Variants in BTBD3 observed in about 807,000 individuals in gnomAD.
The protein encoded by BTBD3 is BTB/POZ domain-containing protein 3.
In BTBD3, 14 loss-of-function variants were observed where a neutral mutation model predicts 41.6. The observed-to-expected ratio is 0.34, with a 90% CI of 0.22 to 0.53. The LOEUF (loss-of-function observed/expected upper bound fraction) is 0.53, where lower values mean the gene tolerates loss of function less well. Among genes scored for constraint, BTBD3 ranks in the 20% least tolerant of loss-of-function variants. The pLI, the probability that BTBD3 is intolerant of heterozygous loss-of-function variation, is 0.95. For missense variants in BTBD3, 426 were observed against 654.7 expected, an observed-to-expected ratio of 0.65 and a Z score of 3.81; for synonymous variants, 249 against 233.7, an observed-to-expected ratio of 1.07 and a Z score of -0.60.
chr20:11,904,823 A>C (rs945630333), intron 1 of BTBD3, among the ~76,000 whole-genome samples: 1 of 152,226 alleles, frequency 6.6e-6, no homozygotes, highest in Non-Finnish European at 1.5e-5. Flanking sequence ...AGTTTCTTAA[A>C]GGTTAATTGC....
intron 1 of BTBD3, among the ~76,000 whole-genome samples, chr20:11,891,603 A>G (rs1208626747): frequency 6.6e-6 from 1 of 152,074 alleles, no homozygotes; most frequent in Admixed American, 6.5e-5. Flanking sequence ...TCTGAGTGGC[A>G]TTTGTGGCCC....
rs2056999049 is a variant in BTBD3 at position 11,924,265 on chromosome 20, T to C, written c.*599T>C. On this transcript the variant is annotated 3_prime_UTR_variant, in exon 4 of 4. Coordinates refer to ENST00000378226, the MANE Select transcript of BTBD3 (RefSeq NM_014962.4). Reference sequence around the variant, plus strand: ...GGTATTAAACACTTCAGAATATCAATGTAAAATTGGAAAATAAGGAACTGG... The same window carrying C: ...GGTATTAAACACTTCAGAATATCAACGTAAAATTGGAAAATAAGGAACTGG... 1 of 152,298 alleles carries C rather than the reference T, an allele frequency of 6.6e-6. No individual in the cohort carries two copies. The highest frequency in any genetic ancestry group is 1.5e-5 in the Non-Finnish European group (1 of 68,032). 9.4% of individuals were successfully genotyped at this position (152,298 alleles called of 1,614,324 possible).
chr20:11,904,710 G>A (rs1321355194), intron 1 of BTBD3, among the ~76,000 whole-genome samples: 1 of 152,102 alleles, frequency 6.6e-6, no homozygotes, highest in Non-Finnish European at 1.5e-5. Context: ...AGCATATGAA[G>A]AAAATCTGGC....
intron 1 of BTBD3, 195 bp from the exon 2 acceptor site, chr20:11,918,885 AACTTTT>A: frequency 3.5e-6 from 2 of 573,928 alleles, no homozygotes; most frequent in Non-Finnish European, 6.0e-6. Flanking sequence ...AAGTTTGTAT[AACTTTT>A]ATTTTAAACT....
At chr20:11,905,330 G>A (rs757148803) in intron 1 of BTBD3, among the ~76,000 whole-genome samples, 10 of 150,488 alleles carry the variant, frequency 6.6e-5, no homozygotes, top group Non-Finnish European at 1.2e-4. Flanking sequence ...ACAAATAGTT[G>A]TACACGTGTT....
Position 11,919,734 on chromosome 20 carries a change from G to A in BTBD3, c.434G>A (p.Gly145Glu), listed in dbSNP as rs1412432231. 2 of 1,614,024 alleles carry A rather than the reference G, an allele frequency of 1.2e-6. No homozygotes were observed. The highest frequency in any genetic ancestry group is 2.2e-5 in the South Asian group (2 of 91,060). The change falls in exon 3 of 4, where the codon GGG (glycine) becomes GAG (glutamate). Residue 145 changes from glycine to glutamate, a missense_variant. Coordinates refer to ENST00000378226, the MANE Select transcript of BTBD3 (RefSeq NM_014962.4). ...TCTACACAGTATGTTTTAGCTGTTG[G>A]GAGCTCTGTGTTCCATGCGATGTTT... ...LPGHKYVLAVGSSVFHAMFYG... is the reference protein window; with the variant it reads ...LPGHKYVLAVESSVFHAMFYG...
intron 1 of BTBD3, 168 bp from the exon 2 acceptor site, chr20:11,918,918 T>G (rs915496696): frequency 1.7e-6 from 1 of 585,592 alleles, no homozygotes. Flanking sequence ...ACTTCCCTTA[T>G]GTTTGCAATG....
intron 1 of BTBD3, among the ~76,000 whole-genome samples, chr20:11,894,463 A>G (rs181452430): frequency 2.2e-4 from 34 of 152,278 alleles, no homozygotes; most frequent in South Asian, 8.3e-4. Flanking sequence ...CTATAAAAAT[A>G]TGATCTTTTA....
intron 1 of BTBD3, chr20:11,910,087 T>G (rs1371406682): frequency 6.6e-6 from 1 of 152,188 alleles, no homozygotes; most frequent in African/African-American, 2.4e-5. Context: ...GGATTCTTTC[T>G]TCCCGTCCCA....
At chr20:11,910,637 T>C (rs1182782115) in intron 1 of BTBD3, 1 of 152,218 alleles carries the variant, frequency 6.6e-6, no homozygotes, top group Non-Finnish European at 1.5e-5. Flanking sequence ...GTCATTTAGC[T>C]CCATATTTAA....
upstream of BTBD3, among the ~76,000 whole-genome samples, chr20:11,913,996 A>G (rs1023120508): frequency 3.3e-5 from 5 of 152,168 alleles, no homozygotes; most frequent in African/African-American, 1.2e-4. Context: ...CACCTAATAC[A>G]CTGCATAGTC....
At chr20:11,911,231 G>T (rs2056887407) in intron 1 of BTBD3, among the ~76,000 whole-genome samples, 1 of 152,134 alleles carries the variant, frequency 6.6e-6, no homozygotes, top group Admixed American at 6.5e-5. Context: ...AGTGGCGAGG[G>T]TGGGGGAGGC....
intron 3 of BTBD3, 37 bp downstream of exon 3, chr20:11,919,873 A>G: frequency 6.4e-7 from 1 of 1,556,324 alleles, no homozygotes; most frequent in South Asian, 1.1e-5. Context: ...GAGTTTGTTT[A>G]TGCTGTATTT....
In BTBD3 at chr20:11,926,206, C is replaced by A. The variant is rs1276554110; in HGVS notation, c.*2540C>A. 6.6e-6 allele frequency: 1 copy of A among 152,608 alleles called. No homozygotes were observed. Among genetic ancestry groups the A allele is most frequent in the African/African-American group, 2.4e-5 (1 of 41,438 alleles). 9.5% of individuals were successfully genotyped at this position (152,608 alleles called of 1,614,324 possible). On this transcript the variant is annotated 3_prime_UTR_variant, in exon 4 of 4. Transcript: ENST00000378226. ...AGCAGAATACACTGTAGATGCTTTT[C>A]CCCAACGTATCTGGCTGGCAGTCTT...
rs1030420320 is a variant in BTBD3 at position 11,925,557 on chromosome 20, T to C, written c.*1891T>C. On this transcript the variant is annotated 3_prime_UTR_variant, in exon 4 of 4. Transcript: ENST00000378226. ...GTTCTAAAAGTACAATTATTTCTTA[T>C]TGGGGAGATTACAGGTAGTTTGGCA... 2.0e-5 allele frequency: 3 copies of C among 152,660 alleles called. No individual in the cohort carries two copies. Among genetic ancestry groups the C allele is most frequent in the Admixed American group, 2.0e-4 (3 of 15,292 alleles). The allele number at this position is 152,660 out of a possible 1,614,324, so 9.5% of individuals were successfully genotyped here. A position where few individuals can be genotyped will look rare whatever the true frequency, so the allele number is the denominator to read the frequency against.
Position 11,918,200 on chromosome 20 carries a change from G to C in BTBD3, c.-76G>C. ...TTTGTTGGTTTCAGTTAACCTCTTA[G>C]CCCGGGCTAATCTCTTTTCCTTGAT... On this transcript the variant is annotated 5_prime_UTR_variant, in exon 1 of 4. Coordinates refer to ENST00000378226, the MANE Select transcript of BTBD3 (RefSeq NM_014962.4). The C allele has an allele frequency of 6.7e-7, 1 of 1,500,630 alleles. No homozygotes were observed. Among genetic ancestry groups the C allele is most frequent in the Non-Finnish European group, 8.8e-7 (1 of 1,135,350 alleles). The allele number at this position is 1,500,630 out of a possible 1,614,324, so 93.0% of individuals were successfully genotyped here.
At chr20:11,916,417 A>G (rs2122282729), upstream of BTBD3, among the ~76,000 whole-genome samples, 1 of 152,146 alleles carries the variant, frequency 6.6e-6, no homozygotes, top group East Asian at 1.9e-4. Flanking sequence ...AGGTATCTGT[A>G]TGTGTGTGTT....
chr20:11,904,619 TA>T (rs1393962745), intron 1 of BTBD3, among the ~76,000 whole-genome samples: 2 of 152,192 alleles, frequency 1.3e-5, no homozygotes, highest in African/African-American at 4.8e-5. Flanking sequence ...AAAACTTGTT[TA>T]TAGGGGTCAT....
rs2056931347 is a variant in BTBD3, at chr20:11,918,108, G to C, written c.-168G>C. The C allele has an allele frequency of 6.9e-7, 1 of 1,455,940 alleles. No individual in the cohort carries two copies. The highest frequency in any genetic ancestry group is 1.6e-5 in the South Asian group (1 of 63,196). 90.2% of individuals were successfully genotyped at this position (1,455,940 alleles called of 1,614,324 possible). A position where few individuals can be genotyped will look rare whatever the true frequency, so the allele number is the denominator to read the frequency against. On this transcript the variant is annotated 5_prime_UTR_variant, in exon 1 of 4. Transcript: ENST00000378226. ...GACCCAGTACTGGATAAAACTTAAA[G>C]CCAGTTTCTATTCAACATAGTGAAA...
Sources: allele counts gnomAD v4.1 joint callset (sites outside exome capture counted in the v4.1 genomes callset), GRCh38; gene constraint gnomAD v4.1.1; transcripts MANE v1.5; gene names NCBI Gene and HGNC (gene_info 2026-07-23, HGNC 2026-07-21).